PXDNL: variants seen among roughly 807,000 people sequenced by gnomAD.
The protein encoded by PXDNL is probable oxidoreductase PXDNL.
Under a neutral mutation model 150.8 loss-of-function variants are expected in PXDNL, and 145 were observed. That is an observed-to-expected ratio of 0.96 (90% CI 0.84 to 1.10). PXDNL has a LOEUF of 1.10. PXDNL is among the 50% of genes least tolerant of loss of function. The probability of loss-of-function intolerance (pLI) is 0.00; values close to 1 mark genes in which losing one functional copy is unlikely to be tolerated. For synonymous variants in PXDNL, 757 were observed against 725.7 expected, an observed-to-expected ratio of 1.04 and a Z score of -0.69; for missense variants, 2,087 against 1,873.9, an observed-to-expected ratio of 1.11 and a Z score of -2.10.
chr8:51,664,050 C>CAA (rs59020717), intron 1 of PXDNL, among the ~76,000 whole-genome samples: 9,121 of 78,914 alleles, frequency 0.12, 1,248 homozygotes, highest in African/African-American at 0.3. Flanking sequence ...GACTCTGTCT[C>CAA]AAAAAAAAAA....
intron 4 of PXDNL, among the ~76,000 whole-genome samples, chr8:51,553,331 C>A (rs1200422372): frequency 6.6e-6 from 1 of 152,158 alleles, no homozygotes; most frequent in East Asian, 1.9e-4. Context: ...GCATTGTACT[C>A]GTATGGACTG....
At position 51,579,280 on chromosome 8, in the gene PXDNL, GAA is replaced by G. The variant is rs545323241; in HGVS notation, c.308+13345_308+13346del. On this transcript the variant is annotated intron_variant, in intron 3 of 22. Transcript: ENST00000356297. Reference sequence around the variant, plus strand: ...AGTACAAAACCCCACAATCTCATTAGAAGTTAAGCAAAAGACATGAGCAGACA... The same window carrying G: ...AGTACAAAACCCCACAATCTCATTAGGTTAAGCAAAAGACATGAGCAGACA... 9.8e-4 allele frequency among the ~76,000 whole-genome samples: 149 copies of G among 152,128 alleles called. 2 individuals are homozygous for G. Among genetic ancestry groups the G allele is most frequent in the African/African-American group, 3.5e-3 (144 of 41,526 alleles).
intron 1 of PXDNL, among the ~76,000 whole-genome samples, chr8:51,789,051 G>C (rs947447324): frequency 6.6e-6 from 1 of 151,826 alleles, no homozygotes; most frequent in Admixed American, 6.6e-5. Flanking sequence ...CATTTATTTG[G>C]ACATAGTGCT....
At chr8:51,538,322 T>A (rs1398966752) in intron 4 of PXDNL, among the ~76,000 whole-genome samples, 1 of 152,196 alleles carries the variant, frequency 6.6e-6, no homozygotes, top group African/African-American at 2.4e-5. Flanking sequence ...ACATTTATAG[T>A]GTGTTTGGTG....
intron 1 of PXDNL, among the ~76,000 whole-genome samples, chr8:51,791,077 C>T (rs1295515060): frequency 6.6e-6 from 1 of 152,048 alleles, no homozygotes; most frequent in Non-Finnish European, 1.5e-5. Context: ...GAGACTGACA[C>T]CAAAGGATTG....
chr8:51,478,459 C>G (rs1381482690), intron 6 of PXDNL, among the ~76,000 whole-genome samples: 1 of 152,232 alleles, frequency 6.6e-6, no homozygotes, highest in African/African-American at 2.4e-5. Context: ...TAACACCTCA[C>G]TTGTACTTAC....
chr8:51,731,021 CT>C (rs984933701), intron 1 of PXDNL, among the ~76,000 whole-genome samples: 43 of 152,274 alleles, frequency 2.8e-4, no homozygotes, highest in African/African-American at 9.9e-4. Context: ...CATTCTGCCC[CT>C]GGCCCCTCCC....
At chr8:51,339,241 C>T (rs750468255) in intron 21 of PXDNL, among the ~76,000 whole-genome samples, 80 of 152,314 alleles carry the variant, frequency 5.3e-4, no homozygotes, top group Middle Eastern at 3.4e-3. Context: ...GGGCAAATCA[C>T]TTGAGTCCAG....
intron 4 of PXDNL, among the ~76,000 whole-genome samples, chr8:51,534,988 G>C (rs1171087071): frequency 8.6e-6 from 1 of 116,400 alleles, no homozygotes; most frequent in Non-Finnish European, 1.7e-5. Flanking sequence ...CCCCCCGCCC[G>C]GCCAGCCGCC....
chr8:51,613,013 T>G (rs1814049930), intron 2 of PXDNL, among the ~76,000 whole-genome samples: 1 of 152,194 alleles, frequency 6.6e-6, no homozygotes, highest in South Asian at 2.1e-4. Context: ...GGGAGGTTAC[T>G]GCTGCGATGT....
chr8:51,572,910 C>T (rs1812977679), intron 3 of PXDNL, among the ~76,000 whole-genome samples: 1 of 151,780 alleles, frequency 6.6e-6, no homozygotes, highest in African/African-American at 2.4e-5. Flanking sequence ...AACTAAAAGG[C>T]CTCTGAAAGG....
intron 2 of PXDNL, among the ~76,000 whole-genome samples, chr8:51,645,714 G>T (rs1478337161): frequency 2.0e-5 from 3 of 152,144 alleles, no homozygotes; most frequent in Non-Finnish European, 4.4e-5. Flanking sequence ...AGCCTGAAAT[G>T]GAGAAATTTA....
At chr8:51,499,244 C>G (rs1472419648) in intron 5 of PXDNL, among the ~76,000 whole-genome samples, 1 of 152,186 alleles carries the variant, frequency 6.6e-6, no homozygotes, top group Non-Finnish European at 1.5e-5. Context: ...ATTCTCATGC[C>G]TCAGCCTCCT....
At chr8:51,444,689 A>T (rs1809631017) in intron 12 of PXDNL, among the ~76,000 whole-genome samples, 2 of 152,170 alleles carry the variant, frequency 1.3e-5, no homozygotes, top group South Asian at 4.1e-4. Context: ...GGGAACAGGT[A>T]CTGGGGGGAA....
chr8:51,557,216 G>T (rs900804220), intron 3 of PXDNL, among the ~76,000 whole-genome samples: 2 of 152,032 alleles, frequency 1.3e-5, no homozygotes, highest in South Asian at 4.1e-4. Flanking sequence ...AGAAAAATAT[G>T]TTTGACTATA....
chr8:51,489,047 AG>A (rs1298878946), intron 5 of PXDNL, among the ~76,000 whole-genome samples: 11 of 152,352 alleles, frequency 7.2e-5, no homozygotes, highest in Admixed American at 6.5e-4. Context: ...AATGTTAAAA[AG>A]TAAGTAAAAC....
intron 17 of PXDNL, among the ~76,000 whole-genome samples, chr8:51,390,889 TC>T (rs1237870309): frequency 6.6e-6 from 1 of 151,920 alleles, no homozygotes; most frequent in Non-Finnish European, 1.5e-5. Context: ...ATGCTATCCC[TC>T]CCCCCTCCTC....
intron 1 of PXDNL, among the ~76,000 whole-genome samples, chr8:51,761,651 C>A (rs181055183): frequency 1.3e-5 from 2 of 152,208 alleles, no homozygotes; most frequent in Non-Finnish European, 1.5e-5. Context: ...TTCTGGTATT[C>A]TTTTTCAAAA....
chr8:51,760,845 C>CTTTT (rs71237237), intron 1 of PXDNL, among the ~76,000 whole-genome samples: 2,647 of 45,422 alleles, frequency 0.058, 760 homozygotes, highest in African/African-American at 0.15. Context: ...ATCACTTAAA[C>CTTTT]TTTTTTTTTT....
Sources: gnomAD v4.1 joint callset for allele counts (sites outside exome capture counted in the v4.1 genomes callset) on GRCh38, gnomAD v4.1.1 for gene constraint, MANE v1.5 for transcripts, NCBI Gene and HGNC (gene_info 2026-07-23, HGNC 2026-07-21) for gene names.